Variants in SPOPL observed in about 807,000 individuals in gnomAD.
SPOPL encodes speckle type BTB/POZ protein like.
Under a neutral mutation model 53.8 loss-of-function variants are expected in SPOPL, and 23 were observed. That is an observed-to-expected ratio of 0.43 (90% CI 0.31 to 0.61). The LOEUF is 0.61. SPOPL is among the 20% of genes least tolerant of loss of function. The pLI, the probability that SPOPL is intolerant of heterozygous loss-of-function variation, is 0.12. For synonymous variants in SPOPL, 164 were observed against 149.7 expected, an observed-to-expected ratio of 1.10 and a Z score of -0.70; for missense variants, 442 against 466.9, an observed-to-expected ratio of 0.95 and a Z score of 0.49.
At chr2:138,505,646 A>C (rs1354300060) in intron 1 of SPOPL, among the ~76,000 whole-genome samples, 1 of 150,058 alleles carries the variant, frequency 6.7e-6, no homozygotes, top group Non-Finnish European at 1.5e-5. Context: ...GTGGTGGCAC[A>C]CACCTGTAGT....
chr2:138,531,069 C>T (rs1355479772), intron 1 of SPOPL, among the ~76,000 whole-genome samples: 2 of 151,882 alleles, frequency 1.3e-5, no homozygotes, highest in Non-Finnish European at 2.9e-5. Context: ...CTTTTCCCTC[C>T]TTTTTCTGTT....
chr2:138,520,905 A>G (rs1684542883), intron 1 of SPOPL, among the ~76,000 whole-genome samples: 1 of 152,182 alleles, frequency 6.6e-6, no homozygotes, highest in Non-Finnish European at 1.5e-5. Flanking sequence ...ATACTGTATA[A>G]GACTATTAAC....
chr2:138,554,586 C>A, intron 5 of SPOPL: 1 of 1,179,346 alleles, frequency 8.5e-7, no homozygotes, highest in Non-Finnish European at 1.1e-6. Flanking sequence ...CTTAATCTTG[C>A]AAGTTCCCTA....
intron 1 of SPOPL, among the ~76,000 whole-genome samples, chr2:138,525,055 A>G (rs900365043): frequency 2.6e-5 from 4 of 152,180 alleles, no homozygotes; most frequent in African/African-American, 9.7e-5. Flanking sequence ...AGTTTACTAT[A>G]TTAATCCGTT....
At chr2:138,548,239 CTTTTT>C (rs34021497) in intron 1 of SPOPL, among the ~76,000 whole-genome samples, 6 of 89,016 alleles carry the variant, frequency 6.7e-5, no homozygotes, top group Non-Finnish European at 1.1e-4. Flanking sequence ...TGAAGGTAAA[CTTTTT>C]TTTTTTTTTT....
At position 138,501,979 on chromosome 2, in the gene SPOPL, G is replaced by A. The variant is rs1227342755; in HGVS notation, c.-201G>A. 3 of 152,418 alleles carry A rather than the reference G, an allele frequency of 2.0e-5. No homozygotes were observed. Among genetic ancestry groups the A allele is most frequent in the African/African-American group, 4.8e-5 (2 of 41,460 alleles). 9.4% of individuals were successfully genotyped at this position (152,418 alleles called of 1,614,324 possible). On this transcript the variant is annotated 5_prime_UTR_variant, in exon 1 of 11. Coordinates refer to ENST00000280098, the MANE Select transcript of SPOPL (RefSeq NM_001001664.3). ...TCGGGGAGGAGGGATGCGGTTCGGCGGAGGCGGCCGCCACAGGGACTTGCC... is the reference window on the plus strand; with the variant it reads ...TCGGGGAGGAGGGATGCGGTTCGGCAGAGGCGGCCGCCACAGGGACTTGCC...
chr2:138,535,740 T>G (rs180906724), intron 1 of SPOPL, among the ~76,000 whole-genome samples: 20 of 152,220 alleles, frequency 1.3e-4, no homozygotes, highest in African/African-American at 2.6e-4. Flanking sequence ...GCTTCTGTCT[T>G]TCTTCTCCTT....
At chr2:138,529,599 G>C (rs558545351) in intron 1 of SPOPL, among the ~76,000 whole-genome samples, 2 of 151,634 alleles carry the variant, frequency 1.3e-5, no homozygotes, top group Non-Finnish European at 2.9e-5. Flanking sequence ...TTTTCCACTA[G>C]TACCACTCTG....
At chr2:138,531,773 C>T (rs1349034632) in intron 1 of SPOPL, among the ~76,000 whole-genome samples, 1 of 141,472 alleles carries the variant, frequency 7.1e-6, no homozygotes, top group East Asian at 2.0e-4. Context: ...ATTGGTAAAA[C>T]TCTGTTGCCT....
intron 1 of SPOPL, among the ~76,000 whole-genome samples, chr2:138,539,929 G>A (rs936596635): frequency 2.6e-5 from 4 of 152,154 alleles, no homozygotes; most frequent in Admixed American, 2.6e-4. Flanking sequence ...TGTATAAGGT[G>A]TAAGGAAAGG....
intron 1 of SPOPL, among the ~76,000 whole-genome samples, chr2:138,502,628 C>T (rs184514503): frequency 1.3e-4 from 20 of 152,288 alleles, no homozygotes; most frequent in South Asian, 4.2e-4. Context: ...TCGCAGACCG[C>T]TCACTACCTC....
chr2:138,542,182 G>C (rs1204977858), intron 1 of SPOPL, among the ~76,000 whole-genome samples: 4 of 152,128 alleles, frequency 2.6e-5, no homozygotes, highest in Non-Finnish European at 4.4e-5. Flanking sequence ...GAATAAATGT[G>C]GTGTGCTGCT....
At chr2:138,523,473 G>A (rs534788060) in intron 1 of SPOPL, among the ~76,000 whole-genome samples, 30 of 152,180 alleles carry the variant, frequency 2.0e-4, no homozygotes, top group African/African-American at 4.8e-4. Context: ...AACCAATCAT[G>A]CCTTTCCAAC....
At chr2:138,542,603 T>C (rs1418972449) in intron 1 of SPOPL, among the ~76,000 whole-genome samples, 1 of 152,190 alleles carries the variant, frequency 6.6e-6, no homozygotes, top group Non-Finnish European at 1.5e-5. Flanking sequence ...TCTTCCTCCA[T>C]CCCTTTATTT....
chr2:138,516,304 T>C (rs529705040), intron 1 of SPOPL, among the ~76,000 whole-genome samples: 2 of 152,194 alleles, frequency 1.3e-5, no homozygotes, highest in African/African-American at 4.8e-5. Flanking sequence ...AGGAAGGAAG[T>C]GAAGGCATAA....
At chr2:138,554,493 G>A in intron 5 of SPOPL, 3 of 1,290,240 alleles carry the variant, frequency 2.3e-6, no homozygotes, top group South Asian at 1.3e-5. Flanking sequence ...CCTTCCTAAA[G>A]AACTGCCTCC....
At chr2:138,547,371 G>C (rs1485502412) in intron 1 of SPOPL, among the ~76,000 whole-genome samples, 1 of 152,160 alleles carries the variant, frequency 6.6e-6, no homozygotes, top group Non-Finnish European at 1.5e-5. Context: ...AACTCTTCTA[G>C]AGATATTGAA....
chr2:138,510,442 T>C (rs1684302717), intron 1 of SPOPL, among the ~76,000 whole-genome samples: 1 of 152,220 alleles, frequency 6.6e-6, no homozygotes, highest in African/African-American at 2.4e-5. Flanking sequence ...AGTTGATTGA[T>C]AGTGTTGTTG....
intron 1 of SPOPL, among the ~76,000 whole-genome samples, chr2:138,515,631 G>A (rs1013696993): frequency 2.0e-5 from 3 of 152,142 alleles, no homozygotes; most frequent in Admixed American, 1.3e-4. Context: ...TCAGTGTTAA[G>A]ATTGTAATTC....
Sources: allele counts gnomAD v4.1 joint callset (sites outside exome capture counted in the v4.1 genomes callset), GRCh38; gene constraint gnomAD v4.1.1; transcripts MANE v1.5; gene names NCBI Gene and HGNC (gene_info 2026-07-23, HGNC 2026-07-21).